The following DAPK1 variants were observed in gnomAD, a reference collection of about 807,000 sequenced individuals.
The protein encoded by DAPK1 is death-associated protein kinase 1.
Under a neutral mutation model 144.9 loss-of-function variants are expected in DAPK1, and 56 were observed. The observed-to-expected ratio is 0.39, with a 90% CI of 0.31 to 0.48. DAPK1 has a LOEUF of 0.48. Among genes scored for constraint, DAPK1 ranks in the 20% least tolerant of loss-of-function variants. The probability of loss-of-function intolerance (pLI) is 0.95; values close to 1 mark genes in which losing one functional copy is unlikely to be tolerated. For missense variants in DAPK1, 1,454 were observed against 1,875.4 expected (o/e 0.78, Z 4.15); for synonymous variants, 690 against 749.0 (o/e 0.92, Z 1.29).
chr9:87,597,798 A>G (rs931378465), intron 2 of DAPK1, among the ~76,000 whole-genome samples: 9 of 152,118 alleles, frequency 5.9e-5, no homozygotes, highest in South Asian at 2.1e-4. Flanking sequence ...AATACGAAGT[A>G]GGCTCTTTGA....
chr9:87,695,838 C>G (rs935946848), intron 21 of DAPK1, among the ~76,000 whole-genome samples: 5 of 152,204 alleles, frequency 3.3e-5, no homozygotes, highest in Non-Finnish European at 1.5e-5. Context: ...TTCCAAAATT[C>G]ATGTATATTT....
intron 2 of DAPK1, among the ~76,000 whole-genome samples, chr9:87,518,099 G>GGTTTTTTTTT (rs763027342): frequency 2.4e-5 from 3 of 126,046 alleles, no homozygotes; most frequent in African/African-American, 1.0e-4. Context: ...TGCCGTTTAT[G>GGTTTTTTTTT]TTGTTGTTTT....
chr9:87,664,756 A>G (rs1270901198), intron 18 of DAPK1, among the ~76,000 whole-genome samples: 2 of 152,120 alleles, frequency 1.3e-5, no homozygotes, highest in Admixed American at 1.3e-4. Context: ...CGTAAGTGAG[A>G]TCTCATCCTC....
At chr9:87,683,399 C>T (rs1385011575) in intron 20 of DAPK1, among the ~76,000 whole-genome samples, 2 of 152,140 alleles carry the variant, frequency 1.3e-5, no homozygotes, top group South Asian at 4.2e-4. Flanking sequence ...GATTTCTGCT[C>T]TAGTTGAGGA....
In DAPK1 at chr9:87,640,375, T is replaced by G; in HGVS notation, c.707T>G (p.Phe236Cys). The G allele has an allele frequency of 6.2e-7, 1 of 1,614,206 alleles. No homozygotes were observed. Among genetic ancestry groups the G allele is most frequent in the Non-Finnish European group, 8.5e-7 (1 of 1,180,014 alleles). Residue 236 changes from phenylalanine to cysteine, a missense_variant, in exon 8 of 26, where the codon TTT becomes TGT. Phe to Cys is a radical substitution (Grantham distance 205). This residue lies in a region of DAPK1 where 429 missense variants were observed against 637.5 expected (regional missense o/e 0.67). Transcript: ENST00000408954. ...LANVSAVNYE[F>C]EDEYFSNTSA... Reference sequence around the variant, plus strand: ...AATGTATCCGCTGTCAACTACGAATTTGAGGATGAATACTTCAGTAATACC... The same window carrying G: ...AATGTATCCGCTGTCAACTACGAATGTGAGGATGAATACTTCAGTAATACC...
rs1050139432 is a variant in DAPK1, at chr9:87,643,429, C to T, written c.972C>T (p.Ser324=). Residue 324 remains serine, a synonymous_variant, in exon 11 of 26, where the codon TCC becomes TCT. Coordinates refer to ENST00000408954, the MANE Select transcript of DAPK1 (RefSeq NM_004938.4). ...AAAGATTATCCAGGTCATTCCTGTC[C>T]AGAAGTAACATGAGTGTTGCCAGAA... ...LCQRLSRSFL[S]RSNMSVARSD... is the part of the protein sequence containing the mutation. 1 of 1,609,404 alleles carries T rather than the reference C, an allele frequency of 6.2e-7. No individual in the cohort carries two copies. The highest frequency in any genetic ancestry group is 1.7e-5 in the Admixed American group (1 of 59,520).
At chr9:87,562,503 G>A (rs926645121) in intron 2 of DAPK1, among the ~76,000 whole-genome samples, 1 of 152,170 alleles carries the variant, frequency 6.6e-6, no homozygotes, top group African/African-American at 2.4e-5. Flanking sequence ...GTGAAAGCAT[G>A]GGTGTGTCCT....
intron 20 of DAPK1, among the ~76,000 whole-genome samples, chr9:87,684,154 G>A (rs977359125): frequency 3.0e-4 from 45 of 152,272 alleles, no homozygotes; most frequent in Admixed American, 9.2e-4. Context: ...AGGGCACCGC[G>A]AGGGCGGCCT....
intron 2 of DAPK1, among the ~76,000 whole-genome samples, chr9:87,555,545 C>G (rs921945257): frequency 1.8e-4 from 27 of 151,820 alleles, no homozygotes; most frequent in Non-Finnish European, 1.5e-5. Context: ...CTCTTGTTAC[C>G]CAGGCTGGAG....
intron 3 of DAPK1, among the ~76,000 whole-genome samples, chr9:87,637,383 C>A (rs1050279503): frequency 6.6e-6 from 1 of 152,094 alleles, no homozygotes; most frequent in Non-Finnish European, 1.5e-5. Context: ...TGAGCCATTG[C>A]GCCCAGGCTA....
chr9:87,661,273 A>T (rs1006686998), intron 18 of DAPK1, among the ~76,000 whole-genome samples: 1 of 152,230 alleles, frequency 6.6e-6, no homozygotes, highest in Non-Finnish European at 1.5e-5. Flanking sequence ...CAGTGAACAT[A>T]CAAGTGCAGG....
chr9:87,668,700 A>G, intron 19 of DAPK1, 26 bp downstream of exon 19: 1 of 960,080 alleles, frequency 1.0e-6, no homozygotes, highest in Non-Finnish European at 1.7e-6. Context: ...ATAGGTCTGA[A>G]GTTCTCTACC....
chr9:87,566,025 T>G (rs1827108831), intron 2 of DAPK1, among the ~76,000 whole-genome samples: 1 of 150,184 alleles, frequency 6.7e-6, no homozygotes, highest in Admixed American at 6.6e-5. Flanking sequence ...GCATTCTTTT[T>G]TTTTTTTTTT....
At chr9:87,537,284 C>T (rs530148989) in intron 2 of DAPK1, among the ~76,000 whole-genome samples, 3 of 152,330 alleles carry the variant, frequency 2.0e-5, no homozygotes, top group African/African-American at 7.2e-5. Context: ...CCGCATCCAG[C>T]CCCTATGAGG....
chr9:87,659,610 G>A (rs1830759430), intron 18 of DAPK1, among the ~76,000 whole-genome samples: 1 of 152,134 alleles, frequency 6.6e-6, no homozygotes, highest in Non-Finnish European at 1.5e-5. Flanking sequence ...CCCTCCGTGA[G>A]CCGCGGGCCC....
At chr9:87,664,909 GA>G (rs1830996761) in intron 18 of DAPK1, among the ~76,000 whole-genome samples, 2 of 152,170 alleles carry the variant, frequency 1.3e-5, no homozygotes, top group South Asian at 4.1e-4. Flanking sequence ...TCAGCCCCAT[GA>G]GCTTCCTTGA....
chr9:87,497,427 C>T (rs1824205930), upstream of DAPK1: 1 of 152,272 alleles, frequency 6.6e-6, no homozygotes, highest in Non-Finnish European at 1.5e-5. Flanking sequence ...CACCAGAATG[C>T]AGGTTTCCGG....
intron 3 of DAPK1, among the ~76,000 whole-genome samples, chr9:87,631,231 C>G (rs1829677788): frequency 6.6e-6 from 1 of 152,108 alleles, no homozygotes; most frequent in African/African-American, 2.4e-5. Context: ...AGATGATAAC[C>G]AAAGCGGATC....
chr9:87,653,094 C>G (rs1830511709), intron 17 of DAPK1, among the ~76,000 whole-genome samples: 1 of 146,426 alleles, frequency 6.8e-6, no homozygotes, highest in African/African-American at 2.4e-5. Flanking sequence ...GTCCATCCCC[C>G]CGATCCCGGG....
Sources: gnomAD v4.1 joint callset for allele counts (sites outside exome capture counted in the v4.1 genomes callset) on GRCh38, gnomAD v4.1.1 for gene constraint, gnomAD v4.1.1 regional missense constraint, MANE v1.5 for transcripts, NCBI Gene and HGNC (gene_info 2026-07-23, HGNC 2026-07-21) for gene names.